The following BABAM2 variants were observed in gnomAD, a reference collection of about 807,000 sequenced individuals.
BABAM2 encodes BRISC and BRCA1 A complex member 2.
BABAM2 carries 31 observed loss-of-function variants against 54.7 expected under a neutral mutation model. The observed-to-expected ratio is 0.57, with a 90% confidence interval of 0.43 to 0.77. The LOEUF (loss-of-function observed/expected upper bound fraction) is 0.77. BABAM2 is among the 30% of genes least tolerant of loss of function. The pLI, the probability that BABAM2 is intolerant of heterozygous loss-of-function variation, is 0.00. For missense variants in BABAM2, 364 were observed against 455.8 expected, an observed-to-expected ratio of 0.80 and a Z score of 1.83; for synonymous variants, 167 against 162.9, an observed-to-expected ratio of 1.03 and a Z score of -0.19.
chr2:28,084,564 G>T (rs1665474298), intron 6 of BABAM2, among the ~76,000 whole-genome samples: 1 of 152,166 alleles, frequency 6.6e-6, no homozygotes, highest in Non-Finnish European at 1.5e-5. Context: ...GAAAAAAAAT[G>T]TGTGTCATTC....
intron 6 of BABAM2, among the ~76,000 whole-genome samples, chr2:28,096,914 C>T (rs1666680006): frequency 6.6e-6 from 1 of 152,142 alleles, no homozygotes. Context: ...AGGTTGCATT[C>T]AGGAAAGATT....
chr2:28,006,256 T>A (rs575591054), intron 4 of BABAM2, among the ~76,000 whole-genome samples: 60 of 152,186 alleles, frequency 3.9e-4, no homozygotes, highest in Non-Finnish European at 8.1e-4. Context: ...TGGATATATG[T>A]CCCAAATTTC....
At chr2:28,100,474 A>C (rs191170861) in intron 6 of BABAM2, among the ~76,000 whole-genome samples, 1 of 151,242 alleles carries the variant, frequency 6.6e-6, no homozygotes, top group African/African-American at 2.4e-5. Flanking sequence ...AAAAAAAAAA[A>C]AAAAAAAAGA....
intron 11 of BABAM2, among the ~76,000 whole-genome samples, chr2:28,337,739 C>CTT (rs1201351094): frequency 6.6e-6 from 1 of 152,208 alleles, no homozygotes; most frequent in African/African-American, 2.4e-5. Flanking sequence ...AATCCCAGCA[C>CTT]TTTGGGAGGC....
At chr2:28,168,291 C>A (rs1024984682) in intron 7 of BABAM2, among the ~76,000 whole-genome samples, 5 of 152,282 alleles carry the variant, frequency 3.3e-5, no homozygotes, top group African/African-American at 9.6e-5. Flanking sequence ...AAGTTATAGC[C>A]GTTGTCCAAA....
chr2:28,086,725 T>C (rs1031486045), intron 6 of BABAM2, among the ~76,000 whole-genome samples: 20 of 152,236 alleles, frequency 1.3e-4, no homozygotes, highest in Non-Finnish European at 2.4e-4. Context: ...CACTTTTCCT[T>C]CCCTTCAAGT....
intron 7 of BABAM2, among the ~76,000 whole-genome samples, chr2:28,154,665 A>C (rs1380398770): frequency 6.6e-6 from 1 of 152,148 alleles, no homozygotes; most frequent in African/African-American, 2.4e-5. Flanking sequence ...GACTCAGAGA[A>C]TGTTCAAAAC....
In BABAM2 at chr2:27,926,673, G is replaced by C. The variant is rs143492131; in HGVS notation, c.129-3159G>C. Among the ~76,000 whole-genome samples the C allele has an allele frequency of 2.2e-3, 336 of 152,160 alleles. 1 individual carries two copies. Among genetic ancestry groups the C allele is most frequent in the African/African-American group, 7.6e-3 (316 of 41,502 alleles). ...CACTAGAATTTAAGTACCATGAGAC[G>C]GTAGATCTTCTCTGTCTCGTCAGTC... is the stretch of plus-strand genomic sequence containing the variant. On this transcript the variant is annotated intron_variant, in intron 2 of 11. Transcript: ENST00000379624.
At chr2:28,068,253 T>C (rs1232979426) in intron 6 of BABAM2, among the ~76,000 whole-genome samples, 1 of 152,212 alleles carries the variant, frequency 6.6e-6, no homozygotes, top group Non-Finnish European at 1.5e-5. Flanking sequence ...GCTATTGCAT[T>C]CCAATCTTCT....
At position 28,336,151 on chromosome 2, in the gene BABAM2, A is replaced by G. The variant is rs116471894; in HGVS notation, c.1089-2299A>G. On this transcript the variant is annotated intron_variant, in intron 11 of 11. Transcript: ENST00000379624. ...TGCAAACATAGGCAAAGGAGGCCTC[A>G]TGTCCAGGGGAGAAGCAGCTTCTGC... Among the ~76,000 whole-genome samples, 736 of 152,274 alleles carry G rather than the reference A, an allele frequency of 4.8e-3. 3 individuals are homozygous for G. Among genetic ancestry groups the G allele is most frequent in the African/African-American group, 0.017 (694 of 41,560 alleles).
chr2:28,059,821 C>T (rs769543199), intron 6 of BABAM2, among the ~76,000 whole-genome samples: 3 of 152,086 alleles, frequency 2.0e-5, no homozygotes, highest in Non-Finnish European at 2.9e-5. Context: ...AAAGTTTATT[C>T]AAGAAGAAGT....
At chr2:28,003,723 G>A (rs1248229130) in intron 4 of BABAM2, among the ~76,000 whole-genome samples, 1 of 152,138 alleles carries the variant, frequency 6.6e-6, no homozygotes, top group East Asian at 1.9e-4. Flanking sequence ...GGATTATGCA[G>A]GATCTATGTA....
rs75722077 is a variant in BABAM2 at position 27,914,551 on chromosome 2, A to T, written c.129-15281A>T. On this transcript the variant is annotated intron_variant, in intron 2 of 11. Transcript: ENST00000379624. ...TCAAGGAATAGTTTTGACCAAGTGT[A>T]GGGTTGAGTATTTTTATCTTCATTT... 8.0e-3 allele frequency among the ~76,000 whole-genome samples: 1,223 copies of T among 152,298 alleles called. 12 individuals are homozygous for T. The highest frequency in any genetic ancestry group is 0.028 in the African/African-American group (1,170 of 41,572).
intron 7 of BABAM2, among the ~76,000 whole-genome samples, chr2:28,134,923 C>T (rs1670407411): frequency 6.6e-6 from 1 of 152,166 alleles, no homozygotes; most frequent in Non-Finnish European, 1.5e-5. Context: ...GCATCAGAAG[C>T]CCCCTGTTCC....
intron 3 of BABAM2, among the ~76,000 whole-genome samples, chr2:27,965,450 C>T (rs576532481): frequency 8.1e-4 from 124 of 152,222 alleles, no homozygotes; most frequent in African/African-American, 3.0e-3. Flanking sequence ...TTTCATATGT[C>T]CTCCATCAGC....
intron 11 of BABAM2, among the ~76,000 whole-genome samples, chr2:28,328,124 T>C (rs1572427267): frequency 6.6e-6 from 1 of 152,258 alleles, no homozygotes; most frequent in South Asian, 2.1e-4. Context: ...TTTGTAGCCA[T>C]CCTGTTGTGA....
intron 2 of BABAM2, among the ~76,000 whole-genome samples, chr2:27,915,278 C>T (rs1666881249): frequency 6.6e-6 from 1 of 152,080 alleles, no homozygotes; most frequent in Admixed American, 6.6e-5. Flanking sequence ...AGACTCTCCT[C>T]CTCCTTATTT....
At chr2:27,899,504 C>T (rs902786729) in intron 2 of BABAM2, among the ~76,000 whole-genome samples, 2 of 148,842 alleles carry the variant, frequency 1.3e-5, no homozygotes, top group South Asian at 2.1e-4. Context: ...GACAGAGTTT[C>T]GCTCTTGTTG....
At chr2:28,260,299 C>CTT (rs965855673) in intron 10 of BABAM2, among the ~76,000 whole-genome samples, 44 of 120,418 alleles carry the variant, frequency 3.7e-4, no homozygotes, top group Non-Finnish European at 4.6e-4. Context: ...TATTTCTTTT[C>CTT]TTTTTTTTTT....
Sources: gnomAD v4.1 joint callset for allele counts (sites outside exome capture counted in the v4.1 genomes callset) on GRCh38, gnomAD v4.1.1 for gene constraint, MANE v1.5 for transcripts, NCBI Gene and HGNC (gene_info 2026-07-23, HGNC 2026-07-21) for gene names.